The following THOC2 variants were observed in gnomAD, a reference collection of about 807,000 sequenced individuals.
THOC2 encodes THO complex 2.
A neutral mutation model predicts 128.4 loss-of-function variants in THOC2; 10 were observed. That is an observed-to-expected ratio of 0.08 (90% CI 0.05 to 0.13). The LOEUF is 0.13. THOC2 is among the 10% of genes least tolerant of loss of function. THOC2 has a pLI of 1.00. For synonymous variants in THOC2, 393 were observed against 396.9 expected, an observed-to-expected ratio of 0.99 and a Z score of 0.12; for missense variants, 535 against 1,155.7, an observed-to-expected ratio of 0.46 and a Z score of 7.79.
rs28650367 is a variant in THOC2, at chrX:123,655,206, C to T, written c.1387-9831G>A. Among the ~76,000 whole-genome samples, 376 of 111,836 alleles carry T rather than the reference C, an allele frequency of 3.4e-3. 1 individual carries two copies. The highest frequency in any genetic ancestry group is 9.5e-3 in the African/African-American group (292 of 30,796). ...TTTATTTAGTACTCACTATGTGCCA[C>T]GTACAGACTAAAACCTTCGCATTTA... is the stretch of plus-strand genomic sequence containing the variant. On this transcript the variant is annotated intron_variant, in intron 12 of 38. Transcript: ENST00000245838.
At chrX:123,708,978 C>T (rs2051059928) in intron 2 of THOC2, among the ~76,000 whole-genome samples, 1 of 111,662 alleles carries the variant, frequency 9.0e-6, no homozygotes, top group African/African-American at 3.3e-5. Flanking sequence ...AACTCCTGAC[C>T]TCAAGTGATC....
chrX:123,694,606 TAA>T (rs140914528), intron 7 of THOC2, among the ~76,000 whole-genome samples: 5 of 68,889 alleles, frequency 7.3e-5, no homozygotes, highest in Admixed American at 1.7e-4. Flanking sequence ...AGACTCCATC[TAA>T]AAAAAAAAAA....
At chrX:123,692,494 C>CTTT (rs984272905) in intron 7 of THOC2, among the ~76,000 whole-genome samples, 46 of 56,913 alleles carry the variant, frequency 8.1e-4, no homozygotes, top group South Asian at 9.3e-4. Flanking sequence ...AAATAACTGC[C>CTTT]TTTTTTTTTT....
At chrX:123,702,163 G>A (rs780041105) in intron 4 of THOC2, among the ~76,000 whole-genome samples, 10 of 111,368 alleles carry the variant, frequency 9.0e-5, no homozygotes, top group South Asian at 3.8e-4. Flanking sequence ...GGCCGGGTGC[G>A]GTGGCTCACA....
At chrX:123,681,591 G>A (rs12395206) in intron 8 of THOC2, among the ~76,000 whole-genome samples, 2,741 of 111,734 alleles carry the variant, frequency 0.025, 78 homozygotes, top group African/African-American at 0.084. Flanking sequence ...CAAAAGATGA[G>A]GTCTTCTAGG....
At chrX:123,675,511 C>T (rs1415774951) in intron 8 of THOC2, among the ~76,000 whole-genome samples, 6 of 109,719 alleles carry the variant, frequency 5.5e-5, no homozygotes, top group Non-Finnish European at 1.1e-4. Context: ...CATGGTGGTG[C>T]GCACCTGTAG....
chrX:123,631,006 CAAGT>C (rs2047460996), intron 22 of THOC2, among the ~76,000 whole-genome samples: 2 of 112,410 alleles, frequency 1.8e-5, no homozygotes, highest in African/African-American at 6.5e-5. Flanking sequence ...ATATTTTACA[CAAGT>C]AAGAGAGAAA....
rs138630674 is a variant in THOC2, at chrX:123,659,053, A to T, written c.1386+6589T>A. Among the ~76,000 whole-genome samples the T allele has an allele frequency of 5.7e-3, 644 of 112,473 alleles. 4 individuals are homozygous for T. The highest frequency in any genetic ancestry group is 0.023 in the Middle Eastern group (5 of 213). On this transcript the variant is annotated intron_variant, in intron 12 of 38. Coordinates refer to ENST00000245838, the MANE Select transcript of THOC2 (RefSeq NM_001081550.2). Reference sequence around the variant, plus strand: ...CAGGTGAGCATGTTAGTGCTCTATAATTAAAGAAAATGTTATTATAGCAAA... The same window carrying T: ...CAGGTGAGCATGTTAGTGCTCTATATTTAAAGAAAATGTTATTATAGCAAA...
chrX:123,728,346 AT>A (rs902468258), intron 1 of THOC2, among the ~76,000 whole-genome samples: 2 of 111,460 alleles, frequency 1.8e-5, no homozygotes, highest in Admixed American at 1.9e-4. Flanking sequence ...TTACAGAATA[AT>A]TTTTTTTAAC....
At chrX:123,710,846 C>T (rs1402585532) in intron 2 of THOC2, among the ~76,000 whole-genome samples, 3 of 105,833 alleles carry the variant, frequency 2.8e-5, no homozygotes, top group African/African-American at 1.0e-4. Flanking sequence ...AAAAGTTCGC[C>T]GGGCGTGGTG....
intron 2 of THOC2, among the ~76,000 whole-genome samples, chrX:123,709,401 C>G (rs2051085002): frequency 9.0e-6 from 1 of 110,504 alleles, no homozygotes; most frequent in African/African-American, 3.3e-5. Context: ...ACCATCCTGG[C>G]TAACATGGTG....
intron 24 of THOC2, 92 bp from the exon 25 acceptor site, chrX:123,626,161 G>A: frequency 1.6e-6 from 1 of 617,091 alleles, no homozygotes. Context: ...CTTTAGTGAA[G>A]AGAATACTAT....
At chrX:123,681,760 A>C (rs1037578432) in intron 8 of THOC2, among the ~76,000 whole-genome samples, 2 of 112,310 alleles carry the variant, frequency 1.8e-5, no homozygotes, top group Non-Finnish European at 3.8e-5. Flanking sequence ...TTTTGGGGAC[A>C]ATTTGGAAAA....
chrX:123,673,143 A>G lies in THOC2; in HGVS notation c.769-1382T>C, dbSNP rs1321265658. The stretch of plus-strand genomic sequence containing the variant: ...CACCTGAGGTCAGGAGTTCGAGACC[A>G]GCCCGGACAACACAATGAAACCCCG... On this transcript the variant is annotated intron_variant, in intron 8 of 38. Transcript: ENST00000245838. Among the ~76,000 whole-genome samples, 41 of 111,655 alleles carry G rather than the reference A, an allele frequency of 3.7e-4. No homozygotes were observed. In the Admixed American group the frequency reaches 3.7e-3, roughly 10 times the overall value.
chrX:123,724,266 T>G (rs2051841921), intron 1 of THOC2, among the ~76,000 whole-genome samples: 1 of 112,170 alleles, frequency 8.9e-6, no homozygotes, highest in Non-Finnish European at 1.9e-5. Flanking sequence ...CTGTGCCTTC[T>G]GATTATGTCA....
chrX:123,646,176 A>G (rs1395003060), intron 12 of THOC2, among the ~76,000 whole-genome samples: 2 of 112,294 alleles, frequency 1.8e-5, no homozygotes, highest in Non-Finnish European at 3.8e-5. Flanking sequence ...TACCAGTAAC[A>G]TTACTAACAA....
chrX:123,623,620 A>G, intron 28 of THOC2, 167 bp downstream of exon 28: 2 of 1,106,762 alleles, frequency 1.8e-6, no homozygotes, highest in Non-Finnish European at 2.4e-6. Context: ...CCGGAAGTTG[A>G]TAATCAGAAG....
At chrX:123,714,231 G>T (rs942666850) in intron 1 of THOC2, among the ~76,000 whole-genome samples, 1 of 112,079 alleles carries the variant, frequency 8.9e-6, no homozygotes, top group Non-Finnish European at 1.9e-5. Context: ...ATGTTCAAAA[G>T]ACAAAGTATC....
chrX:123,702,574 ATATATAT>A (rs893349475), intron 4 of THOC2, among the ~76,000 whole-genome samples: 11 of 105,145 alleles, frequency 1.0e-4, no homozygotes, highest in African/African-American at 3.4e-4. Context: ...TATTATACAC[ATATATAT>A]TATATATATC....
Sources: gnomAD v4.1 joint callset for allele counts (sites outside exome capture counted in the v4.1 genomes callset) on GRCh38, gnomAD v4.1.1 for gene constraint, MANE v1.5 for transcripts, NCBI Gene and HGNC (gene_info 2026-07-23, HGNC 2026-07-21) for gene names.